The following PLXNC1 variants were observed in gnomAD, a reference collection of about 807,000 sequenced individuals.
PLXNC1 encodes the protein plexin-C1.
In PLXNC1, 75 loss-of-function variants were observed where a neutral mutation model predicts 178.2. The observed-to-expected ratio is 0.42, with a 90% CI of 0.35 to 0.51. The LOEUF (loss-of-function observed/expected upper bound fraction) is 0.51, where lower values mean the gene tolerates loss of function less well. Among genes scored for constraint, PLXNC1 ranks in the 20% least tolerant of loss-of-function variants. PLXNC1 has a pLI of 0.02. For synonymous variants in PLXNC1, 790 were observed against 779.9 expected, an observed-to-expected ratio of 1.01 and a Z score of -0.22; for missense variants, 1,503 against 1,984.4, an observed-to-expected ratio of 0.76 and a Z score of 4.61.
intron 15 of PLXNC1, among the ~76,000 whole-genome samples, chr12:94,252,890 C>T (rs770900537): frequency 4.3e-4 from 66 of 152,144 alleles, no homozygotes; most frequent in Non-Finnish European, 7.8e-4. Context: ...TCTCATCCTT[C>T]TTTGAAAAAG....
chr12:94,296,085 ATC>A (rs1020892365), intron 24 of PLXNC1, among the ~76,000 whole-genome samples: 1 of 151,918 alleles, frequency 6.6e-6, no homozygotes, highest in Admixed American at 6.6e-5. Flanking sequence ...ACCACCAGTA[ATC>A]TCTTTTCTCA....
chr12:94,286,616 C>CAAA (rs61238982), intron 23 of PLXNC1, among the ~76,000 whole-genome samples: 22 of 101,396 alleles, frequency 2.2e-4, no homozygotes, highest in African/African-American at 6.0e-4. Context: ...TGCTTAAAAG[C>CAAA]AAAAAAAAAA....
intron 5 of PLXNC1, among the ~76,000 whole-genome samples, chr12:94,212,587 G>C (rs1592770032): frequency 6.6e-6 from 1 of 151,062 alleles, no homozygotes; most frequent in African/African-American, 2.4e-5. Context: ...TTGGTTTTCT[G>C]TCTTTGTGAT....
chr12:94,199,650 T>C (rs1421807927), intron 4 of PLXNC1, among the ~76,000 whole-genome samples: 2 of 152,136 alleles, frequency 1.3e-5, no homozygotes, highest in African/African-American at 4.8e-5. Context: ...AGAGGAGCTA[T>C]GAGTTCTATG....
intron 23 of PLXNC1, among the ~76,000 whole-genome samples, chr12:94,291,388 G>A (rs551167585): frequency 1.3e-5 from 2 of 152,178 alleles, no homozygotes; most frequent in South Asian, 2.1e-4. Context: ...AATGCTCAGC[G>A]CTTTTTTGTT....
At chr12:94,245,175 C>A (rs1474216443) in intron 12 of PLXNC1, among the ~76,000 whole-genome samples, 1 of 152,216 alleles carries the variant, frequency 6.6e-6, no homozygotes, top group East Asian at 1.9e-4. Context: ...GTGAACACCT[C>A]CAGTTGAATG....
Position 94,153,498 on chromosome 12 carries a change from C to G in PLXNC1, c.1062+3465C>G, listed in dbSNP as rs144396012. On this transcript the variant is annotated intron_variant, in intron 1 of 30. Transcript: ENST00000258526. ...TGCACAAGTTAATCAATTTGACTTC[C>G]TACCTTTCTGAACTCTCACTACCCC... Among the ~76,000 whole-genome samples the G allele has an allele frequency of 2.6e-3, 398 of 152,194 alleles. 1 individual carries two copies. Among genetic ancestry groups the G allele is most frequent in the African/African-American group, 9.4e-3 (391 of 41,520 alleles).
At chr12:94,277,778 C>A in intron 21 of PLXNC1, 1 of 362,948 alleles carries the variant, frequency 2.8e-6, no homozygotes, top group Non-Finnish European at 5.5e-6. Flanking sequence ...GGTTTTATTG[C>A]CGATACTATC....
rs1293738664 is a variant in PLXNC1, at chr12:94,279,626, T to A, written c.3752T>A (p.Leu1251His). The change falls in exon 22 of 31, where the codon CTT (leucine) becomes CAT (histidine). Residue 1251 changes from leucine to histidine, a missense_variant. By Grantham distance (99) the Leu-to-His change is moderately conservative. Around this residue, in one of 4 missense-constraint regions of PLXNC1, gnomAD observed 639 missense variants for 979.7 expected, o/e 0.65. Transcript: ENST00000258526. ...FLSKNGSPYG[L>H]QLNEIGLELQ... ...AGCAAAAATGGCTCTCCTTATGGACTTCAGCTTAATGAAATTGGTCTTGGT... is the reference window on the plus strand; with the variant it reads ...AGCAAAAATGGCTCTCCTTATGGACATCAGCTTAATGAAATTGGTCTTGGT... 2 of 1,614,216 alleles carry A rather than the reference T, an allele frequency of 1.2e-6. No homozygotes were observed. The highest frequency in any genetic ancestry group is 3.3e-5 in the Admixed American group (2 of 60,030).
intron 28 of PLXNC1, 94 bp downstream of exon 28, chr12:94,301,151 A>T: frequency 1.0e-6 from 1 of 1,002,882 alleles, no homozygotes; most frequent in South Asian, 2.1e-5. Flanking sequence ...CAATTGGTCT[A>T]AACTACACCA....
In PLXNC1 at chr12:94,277,788, C is replaced by T. The variant is rs1001087818; in HGVS notation, c.3598-1684C>T. On this transcript the variant is annotated intron_variant, in intron 21 of 30. Transcript: ENST00000258526. ...GTACAGGTTTTATTGCCGATACTATCATCAAGCCTTTCCCAGCAGCCTGGC... is the reference window on the plus strand; with the variant it reads ...GTACAGGTTTTATTGCCGATACTATTATCAAGCCTTTCCCAGCAGCCTGGC... 1.6e-5 allele frequency: 6 copies of T among 369,682 alleles called. No individual in the cohort carries two copies. The East Asian group carries it at 3.7e-4, about 23-fold the overall frequency. 22.9% of individuals were successfully genotyped at this position (369,682 alleles called of 1,614,324 possible). A position where few individuals can be genotyped will look rare whatever the true frequency, so the allele number is the denominator to read the frequency against.
intron 2 of PLXNC1, among the ~76,000 whole-genome samples, chr12:94,174,530 A>G (rs1961975903): frequency 6.6e-6 from 1 of 152,174 alleles, no homozygotes; most frequent in African/African-American, 2.4e-5. Flanking sequence ...CCGGTTCCAA[A>G]AAGTTCTGTC....
At chr12:94,168,367 G>C (rs191649335) in intron 1 of PLXNC1, 92 of 152,340 alleles carry the variant, frequency 6.0e-4, no homozygotes, top group African/African-American at 2.2e-3. Flanking sequence ...AAACAAAAAA[G>C]AAAAAGACAT....
intron 9 of PLXNC1, among the ~76,000 whole-genome samples, chr12:94,234,426 T>A (rs943670399): frequency 2.0e-5 from 3 of 152,188 alleles, no homozygotes; most frequent in Non-Finnish European, 4.4e-5. Flanking sequence ...ATTCTATAAA[T>A]CTCCTAATTA....
intron 12 of PLXNC1, among the ~76,000 whole-genome samples, chr12:94,246,343 C>T (rs985600860): frequency 4.6e-5 from 7 of 152,210 alleles, no homozygotes; most frequent in Non-Finnish European, 8.8e-5. Flanking sequence ...CTGTGGTTAG[C>T]AGAGCAGGTC....
chr12:94,270,909 G>A (rs1965531922), intron 21 of PLXNC1, among the ~76,000 whole-genome samples: 1 of 152,082 alleles, frequency 6.6e-6, no homozygotes, highest in South Asian at 2.1e-4. Flanking sequence ...GAGTGAAGAG[G>A]GGAGGCTGGA....
At chr12:94,199,215 A>G (rs1413422920) in intron 4 of PLXNC1, among the ~76,000 whole-genome samples, 1 of 152,192 alleles carries the variant, frequency 6.6e-6, no homozygotes, top group Non-Finnish European at 1.5e-5. Flanking sequence ...ATTGAGTGGA[A>G]TGGCCGACAA....
At chr12:94,220,941 T>G (rs560955012) in intron 6 of PLXNC1, among the ~76,000 whole-genome samples, 1 of 152,036 alleles carries the variant, frequency 6.6e-6, no homozygotes, top group East Asian at 1.9e-4. Context: ...CCAAGGCACA[T>G]GGGGTAGGGG....
At chr12:94,278,099 G>A (rs1481665385) in intron 21 of PLXNC1, 1 of 454,708 alleles carries the variant, frequency 2.2e-6, no homozygotes, top group African/African-American at 2.0e-5. Flanking sequence ...TCTTCCTTCT[G>A]TCTTCTCCCT....
Sources: allele counts gnomAD v4.1 joint callset (sites outside exome capture counted in the v4.1 genomes callset), GRCh38; gene constraint gnomAD v4.1.1; regional missense constraint gnomAD v4.1.1; transcripts MANE v1.5; gene names NCBI Gene and HGNC (gene_info 2026-07-23, HGNC 2026-07-21).